The following SECTM1 variants were observed in gnomAD, a reference collection of about 807,000 sequenced individuals.
SECTM1 encodes the protein secreted and transmembrane protein 1.
A neutral mutation model predicts 18.1 loss-of-function variants in SECTM1; 10 were observed. That is an observed-to-expected ratio of 0.55 (90% CI 0.34 to 0.94). SECTM1 has a LOEUF of 0.94. Among genes scored for constraint, SECTM1 ranks in the 40% least tolerant of loss-of-function variants. SECTM1 has a pLI of 0.02. For missense variants in SECTM1, 297 were observed against 322.6 expected (o/e 0.92, Z 0.61); for synonymous variants, 137 against 139.2 (o/e 0.98, Z 0.11).
chr17:82,327,104 G>C (rs1450694685), intron 2 of SECTM1, 43 bp downstream of exon 2: 2 of 1,497,070 alleles, frequency 1.3e-6, no homozygotes, highest in South Asian at 1.2e-5. Flanking sequence ...GCCCCCACCG[G>C]GCCCCCCTTT....
intron 1 of SECTM1, among the ~76,000 whole-genome samples, chr17:82,332,253 G>A (rs2052197435): frequency 6.6e-6 from 1 of 152,260 alleles, no homozygotes; most frequent in Admixed American, 6.5e-5. Flanking sequence ...GCCGGCACCA[G>A]ACACGGCAGG....
At chr17:82,331,703 CAG>C (rs1399636197) in intron 1 of SECTM1, among the ~76,000 whole-genome samples, 2 of 152,224 alleles carry the variant, frequency 1.3e-5, no homozygotes, top group Admixed American at 6.5e-5. Context: ...GGCTAAAAAT[CAG>C]AGAGAGGGCA....
rs4452007 is a variant in SECTM1 at position 82,325,194 on chromosome 17, T to C, written c.95-304A>G. Reference sequence around the variant, plus strand: ...TTTCCTATCAACTCCCTCCCCTGTATATTTCCACTGGGGTGGGTGAAGTCA... The same window carrying C: ...TTTCCTATCAACTCCCTCCCCTGTACATTTCCACTGGGGTGGGTGAAGTCA... On this transcript the variant is annotated intron_variant, in intron 2 of 4. Transcript: ENST00000269389. The surrounding 1 kb of genome is among the most constrained non-coding windows in gnomAD (Gnocchi z 7.6). 0.13 allele frequency among the ~76,000 whole-genome samples: 20,526 copies of C among 152,120 alleles called. 2,855 individuals are homozygous for C. Among genetic ancestry groups the C allele is most frequent in the African/African-American group, 0.35 (14,708 of 41,436 alleles).
chr17:82,323,043 G>A (rs1435486311), intron 3 of SECTM1, 32 bp from the exon 4 acceptor site: 5 of 1,591,336 alleles, frequency 3.1e-6, no homozygotes, highest in African/African-American at 2.7e-5. Context: ...TGTACAGGTG[G>A]GCTGGGCATC....
In SECTM1 at chr17:82,327,266, C is replaced by T. The variant is rs745429541; in HGVS notation, c.-26G>A. 4 of 1,572,802 alleles carry T rather than the reference C, an allele frequency of 2.5e-6. No individual in the cohort carries two copies. The highest frequency in any genetic ancestry group is 1.8e-5 in the Admixed American group (1 of 55,304). ...GGCTGGTGGGACTTGGGCCCCTGGT[C>T]CTTGTCACTGGCTCTTGAAACACTC... is the stretch of plus-strand genomic sequence containing the variant. On this transcript the variant is annotated 5_prime_UTR_variant, in exon 2 of 5. Transcript: ENST00000269389.
chr17:82,331,020 G>A (rs2052187079), intron 1 of SECTM1, among the ~76,000 whole-genome samples: 1 of 152,156 alleles, frequency 6.6e-6, no homozygotes, highest in African/African-American at 2.4e-5. Flanking sequence ...CTTCCTCCCA[G>A]CACCTTCACC....
At chr17:82,327,462 GGT>G (rs2052156575) in intron 1 of SECTM1, among the ~76,000 whole-genome samples, 170 bp from the exon 2 acceptor site, 1 of 152,196 alleles carries the variant, frequency 6.6e-6, no homozygotes, top group Non-Finnish European at 1.5e-5. Flanking sequence ...GCCTGTAGAG[GGT>G]GTGCAATGCT....
At chr17:82,327,635 G>T (rs183866664) in intron 1 of SECTM1, among the ~76,000 whole-genome samples, 2 of 152,152 alleles carry the variant, frequency 1.3e-5, no homozygotes, top group African/African-American at 4.8e-5. Context: ...AGGACAGGTG[G>T]AATCGTTGGT....
intron 1 of SECTM1, among the ~76,000 whole-genome samples, chr17:82,333,004 G>A (rs2052203992): frequency 1.3e-5 from 2 of 152,276 alleles, no homozygotes. Flanking sequence ...ACTGAATGTG[G>A]TGATTACTGC....
At chr17:82,332,231 G>A (rs962649974) in intron 1 of SECTM1, among the ~76,000 whole-genome samples, 8 of 152,212 alleles carry the variant, frequency 5.3e-5, no homozygotes, top group Non-Finnish European at 1.2e-4. Flanking sequence ...CACAGGGGTC[G>A]GTATCTGAGG....
chr17:82,329,704 TC>T lies in SECTM1; in HGVS notation c.-52-2413del, dbSNP rs1358439286. ...AAAATCAAGGGGTGGGTCAGGGTGG[TC>T]CCTTCTGGAGGCTCCAGGCGGAATC... is the stretch of plus-strand genomic sequence containing the variant. On this transcript the variant is annotated intron_variant, in intron 1 of 4. Transcript: ENST00000269389. This position sits in a 1 kb window ranked among gnomAD's most constrained non-coding sequence, Gnocchi z 7.6. 1.3e-5 allele frequency among the ~76,000 whole-genome samples: 2 copies of T among 151,550 alleles called. No individual in the cohort carries two copies. Among genetic ancestry groups the T allele is most frequent in the East Asian group, 3.9e-4 (2 of 5,168 alleles).
intron 1 of SECTM1, among the ~76,000 whole-genome samples, chr17:82,331,278 G>A (rs1024283136): frequency 6.6e-6 from 1 of 152,196 alleles, no homozygotes; most frequent in Non-Finnish European, 1.5e-5. Flanking sequence ...GGAGCTGGGG[G>A]GAGACCGGGA....
At position 82,326,159 on chromosome 17, in the gene SECTM1, G is replaced by T. The variant is rs1406210443; in HGVS notation, c.94+988C>A. 2.0e-5 allele frequency among the ~76,000 whole-genome samples: 3 copies of T among 152,246 alleles called. No individual in the cohort carries two copies. The highest frequency in any genetic ancestry group is 2.1e-4 in the South Asian group (1 of 4,836). On this transcript the variant is annotated intron_variant, in intron 2 of 4. Transcript: ENST00000269389. This position sits in a 1 kb window ranked among gnomAD's most constrained non-coding sequence, Gnocchi z 4.3. ...CAGTTACACTTTGGAACCACTGTTGGGGGGTGGGGGCAGAATCTCCCGAAA... is the reference window on the plus strand; with the variant it reads ...CAGTTACACTTTGGAACCACTGTTGTGGGGTGGGGGCAGAATCTCCCGAAA...
At chr17:82,322,679 G>A (rs1599652118) in intron 4 of SECTM1, among the ~76,000 whole-genome samples, 199 bp downstream of exon 4, 1 of 151,596 alleles carries the variant, frequency 6.6e-6, no homozygotes, top group African/African-American at 2.4e-5. Context: ...GGCAGGGCGG[G>A]TCTGGGTGGG....
intron 1 of SECTM1, among the ~76,000 whole-genome samples, chr17:82,333,070 A>C (rs2052204852): frequency 6.6e-6 from 1 of 152,220 alleles, no homozygotes; most frequent in East Asian, 1.9e-4. Context: ...GGGTGAGGGA[A>C]GCCTCACGGT....
chr17:82,329,362 G>A lies in SECTM1; in HGVS notation c.-52-2070C>T, dbSNP rs2052174106. 6.6e-6 allele frequency: 1 copy of A among 152,558 alleles called. No homozygotes were observed. Among genetic ancestry groups the A allele is most frequent in the African/African-American group, 2.4e-5 (1 of 41,594 alleles). 9.5% of individuals were successfully genotyped at this position (152,558 alleles called of 1,614,324 possible). A position where few individuals can be genotyped will look rare whatever the true frequency, so the allele number is the denominator to read the frequency against. ...GTCACCAACCCCGAGGTGCTGCTGAGGCTCAGGGATGGTCCCACATTGGCG... is the reference window on the plus strand; with the variant it reads ...GTCACCAACCCCGAGGTGCTGCTGAAGCTCAGGGATGGTCCCACATTGGCG... On this transcript the variant is annotated intron_variant, in intron 1 of 4. Transcript: ENST00000269389. The surrounding 1 kb of genome is among the most constrained non-coding windows in gnomAD (Gnocchi z 7.6).
chr17:82,324,002 C>T (rs1255216370), intron 3 of SECTM1, among the ~76,000 whole-genome samples: 5 of 151,878 alleles, frequency 3.3e-5, no homozygotes, highest in African/African-American at 7.3e-5. Context: ...GGGGCAGGAC[C>T]GTGGCAGCCT....
chr17:82,331,284 C>T (rs907227872), intron 1 of SECTM1, among the ~76,000 whole-genome samples: 3 of 152,194 alleles, frequency 2.0e-5, no homozygotes, highest in Admixed American at 1.3e-4. Flanking sequence ...GGGGGGAGAC[C>T]GGGAGGAGAG....
chr17:82,325,927 G>T lies in SECTM1; in HGVS notation c.95-1037C>A, dbSNP rs2052142036. Reference sequence around the variant, plus strand: ...ACCACATGGTGGGTGCCATGTGCTGGCAAGTGCCAGGGGCCTTGGTGCCCA... The same window carrying T: ...ACCACATGGTGGGTGCCATGTGCTGTCAAGTGCCAGGGGCCTTGGTGCCCA... On this transcript the variant is annotated intron_variant, in intron 2 of 4. Transcript: ENST00000269389. The surrounding 1 kb of genome is among the most constrained non-coding windows in gnomAD (Gnocchi z 7.6). Among the ~76,000 whole-genome samples, 1 of 152,238 alleles carries T rather than the reference G, an allele frequency of 6.6e-6. No homozygotes were observed. Among genetic ancestry groups the T allele is most frequent in the Admixed American group, 6.5e-5 (1 of 15,288 alleles).
Sources: allele counts gnomAD v4.1 joint callset (sites outside exome capture counted in the v4.1 genomes callset), GRCh38; gene constraint gnomAD v4.1.1; non-coding constraint Gnocchi (gnomAD v3.1); transcripts MANE v1.5; gene names NCBI Gene and HGNC (gene_info 2026-07-23, HGNC 2026-07-21).